The following NAALADL2 variants were observed in gnomAD, a reference collection of about 807,000 sequenced individuals.
The protein encoded by NAALADL2 is N-acetylated alpha-linked acidic dipeptidase like 2, also known as inactive N-acetylated-alpha-linked acidic dipeptidase-like protein 2.
A neutral mutation model predicts 87.2 loss-of-function variants in NAALADL2; 76 were observed. The ratio of observed to expected loss-of-function variants is 0.87; its 90% CI spans 0.72 to 1.05. The LOEUF (loss-of-function observed/expected upper bound fraction) is 1.05. NAALADL2 is among the 50% of genes least tolerant of loss of function. The pLI is 0.00. For missense variants in NAALADL2, 1,089 were observed against 945.8 expected, an observed-to-expected ratio of 1.15 and a Z score of -1.99; for synonymous variants, 354 against 331.0, an observed-to-expected ratio of 1.07 and a Z score of -0.75.
intron 3 of NAALADL2, among the ~76,000 whole-genome samples, chr3:174,813,228 CTT>C (rs1373361576): frequency 6.6e-6 from 1 of 151,974 alleles, no homozygotes; most frequent in African/African-American, 2.4e-5. Flanking sequence ...GAAGAATTGT[CTT>C]GGGTCACACA....
chr3:175,385,535 C>G (rs1486398936), intron 5 of NAALADL2, among the ~76,000 whole-genome samples: 1 of 151,970 alleles, frequency 6.6e-6, no homozygotes, highest in Non-Finnish European at 1.5e-5. Context: ...TATACACTTA[C>G]AAGAAAGAAG....
intron 13 of NAALADL2, among the ~76,000 whole-genome samples, chr3:175,793,560 C>A (rs897759929): frequency 1.3e-5 from 2 of 151,918 alleles, no homozygotes; most frequent in Admixed American, 6.6e-5. Flanking sequence ...CGTGATCTGC[C>A]GACCTCGGCC....
chr3:175,422,892 G>A (rs868809577), intron 5 of NAALADL2, among the ~76,000 whole-genome samples: 5 of 151,390 alleles, frequency 3.3e-5, no homozygotes, highest in Admixed American at 3.3e-4. Context: ...ACAGGAGATA[G>A]GTTTGCAGCT....
chr3:174,896,540 A>T (rs189598084), intron 1 of NAALADL2, among the ~76,000 whole-genome samples: 18 of 152,296 alleles, frequency 1.2e-4, no homozygotes, highest in African/African-American at 4.3e-4. Context: ...ATGGAAAAGT[A>T]TTCCTTATCC....
chr3:175,595,168 T>G (rs1053307667), intron 10 of NAALADL2, among the ~76,000 whole-genome samples: 1 of 152,136 alleles, frequency 6.6e-6, no homozygotes, highest in African/African-American at 2.4e-5. Context: ...TAAGTAAATT[T>G]TTGTATATAG....
intron 3 of NAALADL2, among the ~76,000 whole-genome samples, chr3:174,809,494 G>T (rs1719911849): frequency 6.6e-6 from 1 of 152,086 alleles, no homozygotes; most frequent in African/African-American, 2.4e-5. Flanking sequence ...GTTGAACACT[G>T]ACTTTTCTAT....
At position 175,324,193 on chromosome 3, in the gene NAALADL2, G is replaced by T; in HGVS notation, c.958G>T (p.Ala320Ser). 3 of 1,612,910 alleles carry T rather than the reference G, an allele frequency of 1.9e-6. No homozygotes were observed. The highest frequency in any genetic ancestry group is 2.5e-6 in the Non-Finnish European group (3 of 1,179,434). The change falls in exon 5 of 14, where the codon GCT becomes TCT. Residue 320 changes from alanine (A) to serine (S), a missense_variant. Ala to Ser is a moderately conservative substitution (Grantham distance 99). Transcript: ENST00000454872. ...LLYKLSSLEK[A>S]GFGGVLLYID... ...CTTTTAGCTTTCCTCATTGGAAAAG[G>T]CTGGATTTGGAGGTGTTCTTCTGTA...
chr3:175,017,651 A>G (rs990049414), intron 1 of NAALADL2, among the ~76,000 whole-genome samples: 8 of 152,230 alleles, frequency 5.3e-5, no homozygotes, highest in South Asian at 4.1e-4. Context: ...GACTCAGACT[A>G]AAAATAGAAA....
intron 2 of NAALADL2, among the ~76,000 whole-genome samples, chr3:174,562,439 T>C (rs561432167): frequency 6.6e-6 from 1 of 152,204 alleles, no homozygotes; most frequent in Non-Finnish European, 1.5e-5. Flanking sequence ...AAAAGAATAA[T>C]ATGTGAAAAA....
intron 11 of NAALADL2, among the ~76,000 whole-genome samples, chr3:175,635,373 T>A (rs1223052028): frequency 6.6e-6 from 1 of 152,090 alleles, no homozygotes; most frequent in African/African-American, 2.4e-5. Flanking sequence ...TTATTAACAC[T>A]TATTAAGATA....
intron 1 of NAALADL2, among the ~76,000 whole-genome samples, chr3:174,455,953 A>T (rs927595946): frequency 1.3e-5 from 2 of 152,160 alleles, no homozygotes; most frequent in African/African-American, 4.8e-5. Flanking sequence ...TTCAATATGT[A>T]GAAAACCCCA....
At chr3:175,641,825 C>T (rs1729325195) in intron 11 of NAALADL2, among the ~76,000 whole-genome samples, 2 of 152,062 alleles carry the variant, frequency 1.3e-5, no homozygotes, top group Non-Finnish European at 2.9e-5. Context: ...AATATTGTTC[C>T]TATAACAAAT....
At chr3:175,136,478 A>G (rs1729132365) in intron 2 of NAALADL2, among the ~76,000 whole-genome samples, 1 of 152,200 alleles carries the variant, frequency 6.6e-6, no homozygotes, top group African/African-American at 2.4e-5. Context: ...AAGTTGTCCC[A>G]GGTATAGGTT....
intron 1 of NAALADL2, among the ~76,000 whole-genome samples, chr3:175,074,573 G>T (rs566772014): frequency 6.6e-5 from 10 of 152,094 alleles, no homozygotes; most frequent in Non-Finnish European, 1.0e-4. Flanking sequence ...AAAAAATTGT[G>T]GTTTGAACAT....
intron 1 of NAALADL2, among the ~76,000 whole-genome samples, chr3:174,546,507 A>AC (rs1309868404): frequency 3.4e-5 from 5 of 146,860 alleles, no homozygotes; most frequent in East Asian, 2.0e-4. Flanking sequence ...CACTTGCTGA[A>AC]CCCCCCCAGG....
chr3:175,736,455 A>T (rs146649030), intron 11 of NAALADL2, among the ~76,000 whole-genome samples: 1 of 152,242 alleles, frequency 6.6e-6, no homozygotes, highest in Non-Finnish European at 1.5e-5. Context: ...AAATGTGAAG[A>T]TCTACCCGTG....
At position 174,864,412 on chromosome 3, in the gene NAALADL2, C is replaced by A. The variant is rs190435822; in HGVS notation, c.43+4962C>A. Among the ~76,000 whole-genome samples, 537 of 152,148 alleles carry A rather than the reference C, an allele frequency of 3.5e-3. 3 individuals carry two copies. The highest frequency in any genetic ancestry group is 0.02 in the Middle Eastern group (6 of 294). On this transcript the variant is annotated intron_variant, in intron 1 of 13. Coordinates refer to ENST00000454872, the MANE Select transcript of NAALADL2 (RefSeq NM_207015.3). ...CCTGCTGTTGGAGGAAAAGCCAATT[C>A]TCAAACACTTTGAAATATGGAGTTT...
At chr3:175,634,949 C>A (rs573913056) in intron 11 of NAALADL2, among the ~76,000 whole-genome samples, 1 of 151,800 alleles carries the variant, frequency 6.6e-6, no homozygotes, top group East Asian at 1.9e-4. Context: ...ATTTTCAATG[C>A]GAAGGTTGTA....
chr3:175,029,738 A>G (rs1167172365), intron 1 of NAALADL2, among the ~76,000 whole-genome samples: 1 of 152,048 alleles, frequency 6.6e-6, no homozygotes, highest in Non-Finnish European at 1.5e-5. Context: ...CAGACACACT[A>G]AACCCCTCTG....
Sources: allele counts gnomAD v4.1 joint callset (sites outside exome capture counted in the v4.1 genomes callset), GRCh38; gene constraint gnomAD v4.1.1; transcripts MANE v1.5; gene names NCBI Gene and HGNC (gene_info 2026-07-23, HGNC 2026-07-21).